ZNF99: variants seen among roughly 807,000 people sequenced by gnomAD.
ZNF99 encodes the protein zinc finger protein ENSP00000375192.
A neutral mutation model predicts 12.8 loss-of-function variants in ZNF99; 8 were observed. That is an observed-to-expected ratio of 0.62 (90% CI 0.37 to 1.13). ZNF99 has a LOEUF of 1.13. Ranked by LOEUF, ZNF99 falls within the 50% of genes most tolerant of loss-of-function variation. The pLI is 0.02. For synonymous variants in ZNF99, 318 were observed against 319.0 expected (o/e 1.00, Z 0.03); for missense variants, 1,007 against 1,006.2 (o/e 1.00, Z -0.01).
In ZNF99 at chr19:22,757,901, T is replaced by C. The variant is rs1229563788; in HGVS notation, c.2008A>G (p.Ile670Val). The change falls in exon 4 of 4, where the codon ATT (isoleucine) becomes GTT (valine). Residue 670 changes from isoleucine (I) to valine (V), a missense_variant. Transcript: ENST00000596209. Reference sequence around the variant, plus strand: ...TTGTAGGGTTTCTCTTCAGTATGAATTACTTTATGTCTAGTAAGGTGTGAG... The same window carrying C: ...TTGTAGGGTTTCTCTTCAGTATGAACTACTTTATGTCTAGTAAGGTGTGAG... ...WSSHLTRHKV[I>V]HTEEKPYKCE... The C allele has an allele frequency of 1.9e-6, 3 of 1,612,672 alleles. No individual in the cohort carries two copies. The highest frequency in any genetic ancestry group is 1.7e-5 in the Admixed American group (1 of 59,936).
intron 1 of ZNF99, among the ~76,000 whole-genome samples, chr19:22,783,284 A>G (rs955927668): frequency 6.7e-6 from 1 of 150,366 alleles, no homozygotes; most frequent in Non-Finnish European, 1.5e-5. Context: ...CCGTTTCAAA[A>G]AAAGAAAGAA....
At chr19:22,771,357 G>A (rs1053853993) in intron 1 of ZNF99, among the ~76,000 whole-genome samples, 8 of 130,380 alleles carry the variant, frequency 6.1e-5, no homozygotes, top group Admixed American at 1.9e-4. Flanking sequence ...ACGGATTCAC[G>A]CCATTCTCCT....
intron 1 of ZNF99, among the ~76,000 whole-genome samples, chr19:22,776,553 G>A (rs1284206856): frequency 2.0e-5 from 3 of 149,532 alleles, no homozygotes; most frequent in African/African-American, 7.4e-5. Context: ...AGTCAAAATG[G>A]CTATTACTAC....
In ZNF99 at chr19:22,757,546, G is replaced by C. The variant is rs767371743; in HGVS notation, c.2363C>G (p.Pro788Arg). 2.5e-6 allele frequency: 4 copies of C among 1,610,674 alleles called. No individual in the cohort carries two copies. Among genetic ancestry groups the C allele is most frequent in the African/African-American group, 1.3e-5 (1 of 74,402 alleles). Residue 788 changes from proline (P) to arginine (R), a missense_variant, in exon 4 of 4, where the codon CCC becomes CGC. Coordinates refer to ENST00000596209, the MANE Select transcript of ZNF99 (RefSeq NM_001080409.3). ...TTTGCCACATTCTTCACATTTATAG[G>C]GTTTCTTTCCAGTATGAATTATCTT... ...KHKIIHTGKK[P>R]YKCEECGKAF... is the part of the protein sequence containing the mutation.
chr19:22,760,917 G>C (rs1263978503), intron 3 of ZNF99, among the ~76,000 whole-genome samples: 1 of 135,786 alleles, frequency 7.4e-6, no homozygotes, highest in African/African-American at 3.0e-5. Flanking sequence ...TTTCAAACAA[G>C]ATGCATTCTA....
At position 22,754,821 on chromosome 19, in the gene ZNF99, G is replaced by C. The variant is rs1267056419; in HGVS notation, c.*2493C>G. On this transcript the variant is annotated 3_prime_UTR_variant, in exon 4 of 4. Transcript: ENST00000596209. Reference sequence around the variant, plus strand: ...ACGGTGGCTCACGCCTTTAATCCCAGCACTTTGGGAGGCCGAGGCGGGCAG... The same window carrying C: ...ACGGTGGCTCACGCCTTTAATCCCACCACTTTGGGAGGCCGAGGCGGGCAG... 5.2e-6 allele frequency: 1 copy of C among 193,674 alleles called. No homozygotes were observed. Among genetic ancestry groups the C allele is most frequent in the Non-Finnish European group, 1.1e-5 (1 of 94,014 alleles). 12.0% of individuals were successfully genotyped at this position (193,674 alleles called of 1,614,324 possible).
Position 22,769,318 on chromosome 19 carries a change from A to G in ZNF99, c.10T>C (p.Leu4=), listed in dbSNP as rs747125581. 8 of 1,604,336 alleles carry G rather than the reference A, an allele frequency of 5.0e-6. No individual in the cohort carries two copies. In the East Asian group the frequency reaches 1.8e-4, roughly 36 times the overall value. The change falls in exon 2 of 4, where the codon TTG becomes CTG. Residue 4 remains leucine, a synonymous_variant. Coordinates refer to ENST00000596209, the MANE Select transcript of ZNF99 (RefSeq NM_001080409.3). MGS[L]TFWDVTIEFA... ...TCTATGGTCACATCCCAAAATGTCA[A>G]CGATCCCTGAAAAACACAACAAAGA...
At chr19:22,779,112 AAC>A (rs1212320910) in intron 1 of ZNF99, among the ~76,000 whole-genome samples, 1 of 152,196 alleles carries the variant, frequency 6.6e-6, no homozygotes, top group Non-Finnish European at 1.5e-5. Context: ...GTGCTCCAGG[AAC>A]AGTTTCTGGA....
rs1252156308 is a variant in ZNF99 at position 22,757,514 on chromosome 19, T to C, written c.2395A>G (p.Asn799Asp). Residue 799 changes from asparagine to aspartate, a missense_variant, in exon 4 of 4, where the codon AAC becomes GAC. Transcript: ENST00000596209. ...YKCEECGKAFNNSSTLRKHEI... is the reference protein window; with the variant it reads ...YKCEECGKAFDNSSTLRKHEI... ...TGTTTTCTAAGGGTTGAGGAATTGT[T>C]AAAAGCTTTGCCACATTCTTCACAT... 1 of 1,611,196 alleles carries C rather than the reference T, an allele frequency of 6.2e-7. No homozygotes were observed. The highest frequency in any genetic ancestry group is 1.7e-4 in the Middle Eastern group (1 of 6,054).
Position 22,758,445 on chromosome 19 carries a change from T to C in ZNF99, c.1464A>G (p.Lys488=). Residue 488 remains lysine (K), a synonymous_variant, in exon 4 of 4, where the codon AAA becomes AAG. Coordinates refer to ENST00000596209, the MANE Select transcript of ZNF99 (RefSeq NM_001080409.3). The stretch of plus-strand genomic sequence containing the variant: ...TAAGTTTTGAGGACCACTTAAAAGC[T>C]TTACCACATTCTTCACATTTGTAGG... ...EKPYKCEECG[K]AFKWSSKLTV... is the part of the protein sequence containing the mutation. The C allele has an allele frequency of 6.2e-7, 1 of 1,613,208 alleles. No individual in the cohort carries two copies. Among genetic ancestry groups the C allele is most frequent in the Non-Finnish European group, 8.5e-7 (1 of 1,179,698 alleles).
intron 1 of ZNF99, chr19:22,771,246 C>CG: frequency 1.5e-5 from 1 of 68,196 alleles, no homozygotes; most frequent in Admixed American, 1.8e-4. Context: ...AAAGCATTTT[C>CG]TTTTTTTTTT....
Position 22,784,143 on chromosome 19 carries a change from A to C in ZNF99, c.-127T>G. On this transcript the variant is annotated 5_prime_UTR_variant, in exon 1 of 4. Transcript: ENST00000596209. Reference sequence around the variant, plus strand: ...ATCCGGAGCTCCAGCTGGAACCAGAAACAACGGCCCCGCCACATCCCACAA... The same window carrying C: ...ATCCGGAGCTCCAGCTGGAACCAGACACAACGGCCCCGCCACATCCCACAA... 1 of 1,036,434 alleles carries C rather than the reference A, an allele frequency of 9.6e-7. No individual in the cohort carries two copies. The highest frequency in any genetic ancestry group is 1.4e-6 in the Non-Finnish European group (1 of 710,198). The allele number at this position is 1,036,434 out of a possible 1,614,324, so 64.2% of individuals were successfully genotyped here.
intron 2 of ZNF99, 32 bp downstream of exon 2, chr19:22,769,166 A>G (rs1568385989): frequency 8.8e-6 from 14 of 1,591,948 alleles, no homozygotes; most frequent in Non-Finnish European, 1.1e-5. Flanking sequence ...TATAGAATAT[A>G]ATAGGAATTG....
chr19:22,770,237 G>T, intron 1 of ZNF99: 1 of 219,254 alleles, frequency 4.6e-6, no homozygotes, highest in Non-Finnish European at 9.1e-6. Flanking sequence ...GATATATGCA[G>T]AGAAAATCTA....
chr19:22,769,437 G>T, intron 1 of ZNF99, 113 bp from the exon 2 acceptor site: 2 of 1,198,482 alleles, frequency 1.7e-6, no homozygotes, highest in Non-Finnish European at 1.2e-6. Flanking sequence ...AACTTACAGG[G>T]ATGACTGAAC....
In ZNF99 at chr19:22,755,725, A is replaced by G; in HGVS notation, c.*1589T>C. ...GCAGTGTTTGTCTCTACTATGAATT[A>G]TCTTATGTTCAGTAAGATTTGAGGA... On this transcript the variant is annotated 3_prime_UTR_variant, in exon 4 of 4. Coordinates refer to ENST00000596209, the MANE Select transcript of ZNF99 (RefSeq NM_001080409.3). 3.3e-6 allele frequency: 1 copy of G among 307,124 alleles called. No homozygotes were observed. Among genetic ancestry groups the G allele is most frequent in the South Asian group, 3.5e-5 (1 of 28,664 alleles). The allele number at this position is 307,124 out of a possible 1,614,324, so 19.0% of individuals were successfully genotyped here.
rs1189308091 is a variant in ZNF99, at chr19:22,758,388, T to C, written c.1521A>G (p.Lys507=). ...TVHKVIHMEE[K]PCKCEECGKA... is the part of the protein sequence containing the mutation. ...TGCCACATTCTTCACATTTGCAAGG[T>C]TTCTCTTCCATATGAATTACCTTAT... The change falls in exon 4 of 4, where the codon AAA becomes AAG. Residue 507 remains lysine (K), a synonymous_variant. Coordinates refer to ENST00000596209, the MANE Select transcript of ZNF99 (RefSeq NM_001080409.3). 1 of 1,605,030 alleles carries C rather than the reference T, an allele frequency of 6.2e-7. No homozygotes were observed. The highest frequency in any genetic ancestry group is 8.5e-7 in the Non-Finnish European group (1 of 1,173,958).
intron 3 of ZNF99, 96 bp downstream of exon 3, chr19:22,768,209 G>C: frequency 3.7e-6 from 5 of 1,359,346 alleles, no homozygotes; most frequent in Non-Finnish European, 5.2e-6. Context: ...TACTTCCTTT[G>C]GAGCACAGCT....
intron 1 of ZNF99, among the ~76,000 whole-genome samples, chr19:22,782,551 G>A (rs111803231): frequency 0.086 from 12,950 of 151,420 alleles, 570 homozygotes; most frequent in Middle Eastern, 0.11. Flanking sequence ...TAGTAGAGAT[G>A]GGGTTTCTCC....
Sources: allele counts gnomAD v4.1 joint callset (sites outside exome capture counted in the v4.1 genomes callset), GRCh38; gene constraint gnomAD v4.1.1; transcripts MANE v1.5; gene names NCBI Gene and HGNC (gene_info 2026-07-23, HGNC 2026-07-21).